Variants in PPP2R2B observed in about 807,000 individuals in gnomAD.
PPP2R2B encodes serine/threonine-protein phosphatase 2A 55 kDa regulatory subunit B beta isoform.
In PPP2R2B, 5 loss-of-function variants were observed where a neutral mutation model predicts 46.0. That is an observed-to-expected ratio of 0.11 (90% CI 0.06 to 0.23). The LOEUF is 0.23. PPP2R2B is among the 10% of genes least tolerant of loss of function. The probability of loss-of-function intolerance (pLI) is 1.00; values close to 1 mark genes in which losing one functional copy is unlikely to be tolerated. For synonymous variants in PPP2R2B, 215 were observed against 206.7 expected (o/e 1.04, Z -0.34); for missense variants, 367 against 575.0 (o/e 0.64, Z 3.70).
intron 2 of PPP2R2B, among the ~76,000 whole-genome samples, chr5:146,739,401 A>G (rs906537072): frequency 3.3e-5 from 5 of 152,308 alleles, no homozygotes; most frequent in East Asian, 1.9e-4. Flanking sequence ...TAAAAGACAA[A>G]TGAGAGTCAG....
rs74358288 is a variant in PPP2R2B at position 146,750,520 on chromosome 5, G to C, written c.71-49378C>G. ...ATGTATCAGGTTTAAGAACATGCAG[G>C]CTTCTTGTGATAGTAGATTGGATAC... On this transcript the variant is annotated intron_variant, in intron 2 of 9. Transcript: ENST00000394411. Among the ~76,000 whole-genome samples the C allele has an allele frequency of 8.9e-4, 135 of 152,254 alleles. 1 individual carries two copies. The highest frequency in any genetic ancestry group is 3.0e-3 in the African/African-American group (126 of 41,552).
chr5:146,748,623 C>T (rs1374411530), intron 2 of PPP2R2B, among the ~76,000 whole-genome samples: 2 of 152,160 alleles, frequency 1.3e-5, no homozygotes, highest in Non-Finnish European at 2.9e-5. Flanking sequence ...GAGGTACATC[C>T]AGTAGTACAT....
At chr5:146,596,835 C>G (rs981831663) in intron 8 of PPP2R2B, among the ~76,000 whole-genome samples, 14 of 152,170 alleles carry the variant, frequency 9.2e-5, no homozygotes, top group Admixed American at 7.2e-4. Flanking sequence ...AAAGCTATCT[C>G]CACTACATAT....
chr5:146,590,558 G>C (rs1483043301), intron 9 of PPP2R2B, among the ~76,000 whole-genome samples: 1 of 152,022 alleles, frequency 6.6e-6, no homozygotes, highest in African/African-American at 2.4e-5. Flanking sequence ...AATGATCCCA[G>C]TCCTACCTAC....
intron 1 of PPP2R2B, among the ~76,000 whole-genome samples, chr5:146,967,984 T>G (rs913505184): frequency 1.3e-5 from 2 of 152,176 alleles, no homozygotes; most frequent in African/African-American, 4.8e-5. Flanking sequence ...ATAAGCCGCA[T>G]GCACCACTAA....
chr5:146,980,477 A>T (rs189280306), intron 1 of PPP2R2B, among the ~76,000 whole-genome samples: 26 of 152,218 alleles, frequency 1.7e-4, no homozygotes, highest in African/African-American at 6.0e-4. Context: ...CACCCCAGAG[A>T]TTAAGATTAG....
chr5:146,782,371 AT>A (rs1256411636), intron 2 of PPP2R2B, among the ~76,000 whole-genome samples: 1 of 152,212 alleles, frequency 6.6e-6, no homozygotes, highest in Admixed American at 6.5e-5. Context: ...CCAACTTTAC[AT>A]TTAGAATATG....
At chr5:146,753,864 T>C (rs764013889) in intron 2 of PPP2R2B, among the ~76,000 whole-genome samples, 2 of 152,058 alleles carry the variant, frequency 1.3e-5, no homozygotes, top group Non-Finnish European at 2.9e-5. Flanking sequence ...AACCTGAATC[T>C]CCAGGGGCAA....
Position 146,920,467 on chromosome 5 carries a change from G to A in PPP2R2B, c.79+135198C>T, listed in dbSNP as rs145888274. ...CTGGATCTTTAAAGGAAATTGTACC[G>A]TTCTAAGAGTCATTAAATGAGTTCT... On this transcript the variant is annotated intron_variant, in intron 1 of 8. Coordinates refer to the PPP2R2B transcript ENST00000336640. Among the ~76,000 whole-genome samples the A allele has an allele frequency of 7.9e-4, 121 of 152,284 alleles. 1 individual carries two copies. The highest frequency in any genetic ancestry group is 3.5e-3 in the South Asian group (17 of 4,828).
At chr5:146,865,196 G>C (rs1761235521) in intron 2 of PPP2R2B, among the ~76,000 whole-genome samples, 1 of 152,046 alleles carries the variant, frequency 6.6e-6, no homozygotes, top group Non-Finnish European at 1.5e-5. Flanking sequence ...AATGCTAACA[G>C]TTTGTGTCTG....
At chr5:146,912,195 C>A (rs528328478) in intron 1 of PPP2R2B, among the ~76,000 whole-genome samples, 1 of 143,082 alleles carries the variant, frequency 7.0e-6, no homozygotes, top group Non-Finnish European at 1.5e-5. Flanking sequence ...GCCGAGATCG[C>A]GCCACTGCAC....
intron 1 of PPP2R2B, among the ~76,000 whole-genome samples, chr5:146,923,479 C>G (rs1582435362): frequency 6.6e-6 from 1 of 152,348 alleles, no homozygotes; most frequent in Middle Eastern, 3.4e-3. Flanking sequence ...ACGATAAGAT[C>G]ATTGCACAGT....
intron 1 of PPP2R2B, among the ~76,000 whole-genome samples, chr5:147,052,805 A>T (rs1408538966): frequency 2.6e-5 from 4 of 152,068 alleles, no homozygotes; most frequent in Non-Finnish European, 5.9e-5. Context: ...GGGTGGTAAG[A>T]TAATCATATT....
Position 146,644,481 on chromosome 5 carries a change from A to C in PPP2R2B, c.625+6066T>G, listed in dbSNP as rs535460113. On this transcript the variant is annotated intron_variant, in intron 6 of 9. Coordinates refer to ENST00000394411, the MANE Select transcript of PPP2R2B (RefSeq NM_181675.4). ...TCTACAATGAATACATATTAAACAA[A>C]GAAAACAATAAGCATTAAAAAATAG... 2.0e-5 allele frequency among the ~76,000 whole-genome samples: 3 copies of C among 152,362 alleles called. No individual in the cohort carries two copies. In the South Asian group the frequency reaches 6.2e-4, roughly 32 times the overall value.
rs1769916258 is a variant in PPP2R2B at position 146,581,964 on chromosome 5, G to A, written c.*7983C>T. 6.6e-6 allele frequency: 1 copy of A among 152,198 alleles called. No individual in the cohort carries two copies. The highest frequency in any genetic ancestry group is 2.1e-4 in the South Asian group (1 of 4,828). 9.4% of individuals were successfully genotyped at this position (152,198 alleles called of 1,614,324 possible). A position where few individuals can be genotyped will look rare whatever the true frequency, so the allele number is the denominator to read the frequency against. On this transcript the variant is annotated 3_prime_UTR_variant, in exon 10 of 10. Coordinates refer to ENST00000394411, the MANE Select transcript of PPP2R2B (RefSeq NM_181675.4). The stretch of plus-strand genomic sequence containing the variant: ...CTTATTGGAGTGAATTGGGCATGTA[G>A]AATAAAATCCAGCATTCACTCAGCA...
intron 1 of PPP2R2B, among the ~76,000 whole-genome samples, chr5:146,960,965 C>T (rs1455428473): frequency 6.6e-6 from 1 of 152,084 alleles, no homozygotes; most frequent in African/African-American, 2.4e-5. Flanking sequence ...AAAAATTATT[C>T]TTCATCCCAC....
chr5:147,007,320 C>G (rs1754485960), intron 1 of PPP2R2B, among the ~76,000 whole-genome samples: 1 of 152,098 alleles, frequency 6.6e-6, no homozygotes, highest in African/African-American at 2.4e-5. Context: ...GCTTCTGGGT[C>G]AGGTGGGGAC....
chr5:147,039,079 G>T (rs951191186), intron 1 of PPP2R2B, among the ~76,000 whole-genome samples: 10 of 152,170 alleles, frequency 6.6e-5, no homozygotes, highest in Admixed American at 1.3e-4. Context: ...CTCTGTGCTT[G>T]CAGGTCCCTC....
At chr5:147,040,718 A>T in intron 1 of PPP2R2B, 1 of 448,510 alleles carries the variant, frequency 2.2e-6, no homozygotes, top group South Asian at 1.6e-5. Flanking sequence ...AGCACTTACG[A>T]GAACATTCTT....
Sources: gnomAD v4.1 joint callset for allele counts (sites outside exome capture counted in the v4.1 genomes callset) on GRCh38, gnomAD v4.1.1 for gene constraint, MANE v1.5 for transcripts, NCBI Gene and HGNC (gene_info 2026-07-23, HGNC 2026-07-21) for gene names.